PLXNC1: variants seen among roughly 807,000 people sequenced by gnomAD.
PLXNC1 encodes plexin-C1.
Under a neutral mutation model 178.2 loss-of-function variants are expected in PLXNC1, and 75 were observed. That is an observed-to-expected ratio of 0.42 (90% CI 0.35 to 0.51). The LOEUF is 0.51. PLXNC1 is among the 20% of genes least tolerant of loss of function. The probability of loss-of-function intolerance (pLI) is 0.02; values close to 1 mark genes in which losing one functional copy is unlikely to be tolerated. For missense variants in PLXNC1, 1,503 were observed against 1,984.4 expected (o/e 0.76, Z 4.61); for synonymous variants, 790 against 779.9 (o/e 1.01, Z -0.22).
In PLXNC1 at chr12:94,173,257, A is replaced by G. The variant is rs187923073; in HGVS notation, c.1203+3964A>G. 2.6e-4 allele frequency among the ~76,000 whole-genome samples: 40 copies of G among 152,314 alleles called. No individual in the cohort carries two copies. The East Asian group carries it at 7.1e-3, about 27-fold the overall frequency. Reference sequence around the variant, plus strand: ...CTTTCTCCAGATTATAGTACAGCCTATCATGTGGTTTGGATTCCTTTGAGC... The same window carrying G: ...CTTTCTCCAGATTATAGTACAGCCTGTCATGTGGTTTGGATTCCTTTGAGC... On this transcript the variant is annotated intron_variant, in intron 2 of 30. Transcript: ENST00000258526.
intron 19 of PLXNC1, 80 bp downstream of exon 19, chr12:94,259,814 A>G: frequency 7.6e-7 from 1 of 1,322,442 alleles, no homozygotes. Context: ...CTGTAATCCC[A>G]GCATTTTGGG....
At chr12:94,229,179 T>C (rs1964025406) in intron 9 of PLXNC1, among the ~76,000 whole-genome samples, 1 of 152,266 alleles carries the variant, frequency 6.6e-6, no homozygotes, top group South Asian at 2.1e-4. Flanking sequence ...TCTTTGTGTA[T>C]GCTTGCTGGC....
chr12:94,190,043 A>G (rs1962666423), intron 4 of PLXNC1, among the ~76,000 whole-genome samples: 1 of 152,116 alleles, frequency 6.6e-6, no homozygotes, highest in Non-Finnish European at 1.5e-5. Context: ...AAGAGAGAAG[A>G]AGGATCTTCC....
At chr12:94,252,444 AT>A (rs1009119616) in intron 15 of PLXNC1, among the ~76,000 whole-genome samples, 1 of 152,090 alleles carries the variant, frequency 6.6e-6, no homozygotes. Flanking sequence ...AAAGTAAATG[AT>A]TTTTTTTAAT....
chr12:94,208,578 C>A (rs1466574098), intron 4 of PLXNC1, among the ~76,000 whole-genome samples: 1 of 152,234 alleles, frequency 6.6e-6, no homozygotes, highest in African/African-American at 2.4e-5. Flanking sequence ...GCTTTTCAAT[C>A]TCATGATTCA....
intron 1 of PLXNC1, among the ~76,000 whole-genome samples, chr12:94,159,984 G>A (rs1469053675): frequency 6.6e-6 from 1 of 152,212 alleles, no homozygotes; most frequent in East Asian, 1.9e-4. Flanking sequence ...TTTAAGACGT[G>A]GAGGACCAAT....
intron 11 of PLXNC1, among the ~76,000 whole-genome samples, chr12:94,242,973 G>A (rs1327691557): frequency 1.3e-5 from 2 of 152,200 alleles, no homozygotes; most frequent in African/African-American, 2.4e-5. Flanking sequence ...TGTCACCTGC[G>A]ACATTCTGAG....
rs1315810268 is a variant in PLXNC1, at chr12:94,305,597, A to G, written c.*312A>G. 3.9e-6 allele frequency: 1 copy of G among 259,106 alleles called. No homozygotes were observed. The highest frequency in any genetic ancestry group is 2.2e-5 in the African/African-American group (1 of 45,100). The allele number at this position is 259,106 out of a possible 1,614,324, so 16.1% of individuals were successfully genotyped here. A position where few individuals can be genotyped will look rare whatever the true frequency, so the allele number is the denominator to read the frequency against. On this transcript the variant is annotated 3_prime_UTR_variant, in exon 31 of 31. Coordinates refer to ENST00000258526, the MANE Select transcript of PLXNC1 (RefSeq NM_005761.3). ...GTAACTACAGTCTCCACTTAAGCAC[A>G]ATGATATAAGTGGTTTTGTTTGAAA...
intron 2 of PLXNC1, among the ~76,000 whole-genome samples, chr12:94,172,039 C>G (rs973947644): frequency 6.6e-5 from 10 of 152,202 alleles, no homozygotes; most frequent in African/African-American, 2.4e-4. Flanking sequence ...TTGGAAACTA[C>G]CGATAATCCT....
At chr12:94,174,359 G>A (rs1405455226) in intron 2 of PLXNC1, among the ~76,000 whole-genome samples, 2 of 151,588 alleles carry the variant, frequency 1.3e-5, no homozygotes, top group African/African-American at 4.9e-5. Flanking sequence ...TAATTTTTTT[G>A]TATGGACAGG....
chr12:94,274,249 G>A (rs1252822714), intron 21 of PLXNC1, among the ~76,000 whole-genome samples: 1 of 151,610 alleles, frequency 6.6e-6, no homozygotes, highest in Non-Finnish European at 1.5e-5. Flanking sequence ...GAGGTGGGAG[G>A]ATTGCCTGAG....
chr12:94,263,943 GC>G (rs951066534), intron 20 of PLXNC1, among the ~76,000 whole-genome samples: 14 of 151,936 alleles, frequency 9.2e-5, no homozygotes, highest in Non-Finnish European at 1.8e-4. Context: ...TAGGTAACTT[GC>G]CTGCGCAAGG....
At chr12:94,176,057 G>A (rs1202410668) in intron 2 of PLXNC1, among the ~76,000 whole-genome samples, 1 of 152,272 alleles carries the variant, frequency 6.6e-6, no homozygotes, top group African/African-American at 2.4e-5. Flanking sequence ...CTATATTAAG[G>A]TCGTATCCTG....
intron 5 of PLXNC1, among the ~76,000 whole-genome samples, chr12:94,214,385 C>G (rs1963583685): frequency 6.6e-6 from 1 of 152,278 alleles, no homozygotes; most frequent in South Asian, 2.1e-4. Flanking sequence ...CCATGCCCAT[C>G]CTAGAAACAT....
chr12:94,304,249 C>T, intron 30 of PLXNC1, 198 bp downstream of exon 30: 2 of 471,710 alleles, frequency 4.2e-6, no homozygotes, highest in Non-Finnish European at 3.8e-6. Context: ...TATCATGCTG[C>T]CCACATTTGG....
At chr12:94,160,812 AAT>A (rs773764375) in intron 1 of PLXNC1, among the ~76,000 whole-genome samples, 1 of 152,258 alleles carries the variant, frequency 6.6e-6, no homozygotes, top group Non-Finnish European at 1.5e-5. Context: ...GTAATATATT[AAT>A]ATATCGATCT....
chr12:94,186,553 C>T, intron 4 of PLXNC1, 80 bp downstream of exon 4: 1 of 859,728 alleles, frequency 1.2e-6, no homozygotes, highest in South Asian at 1.4e-5. Flanking sequence ...CCTACTTTAA[C>T]GATCCATTCC....
intron 5 of PLXNC1, among the ~76,000 whole-genome samples, chr12:94,211,073 T>G (rs148340351): frequency 7.5e-4 from 115 of 152,344 alleles, no homozygotes; most frequent in African/African-American, 2.6e-3. Flanking sequence ...GCTTGTTCAT[T>G]AAATTAAAAG....
chr12:94,239,157 C>T (rs12313790), intron 10 of PLXNC1, among the ~76,000 whole-genome samples: 7 of 152,026 alleles, frequency 4.6e-5, no homozygotes, highest in South Asian at 2.1e-4. Flanking sequence ...TTCTGCATGT[C>T]GCATTTCAGT....
Sources: gnomAD v4.1 joint callset for allele counts (sites outside exome capture counted in the v4.1 genomes callset) on GRCh38, gnomAD v4.1.1 for gene constraint, MANE v1.5 for transcripts, NCBI Gene and HGNC (gene_info 2026-07-23, HGNC 2026-07-21) for gene names.